Variants in GRIP1 observed in about 807,000 individuals in gnomAD.
The protein encoded by GRIP1 is glutamate receptor interacting protein 1.
GRIP1 carries 45 observed loss-of-function variants against 129.9 expected under a neutral mutation model. The ratio of observed to expected loss-of-function variants is 0.35; its 90% CI spans 0.27 to 0.44. GRIP1 has a LOEUF of 0.44. GRIP1 is among the 20% of genes least tolerant of loss of function. The probability of loss-of-function intolerance (pLI) is 1.00; values close to 1 mark genes in which losing one functional copy is unlikely to be tolerated. For synonymous variants in GRIP1, 530 were observed against 520.8 expected (o/e 1.02, Z -0.24); for missense variants, 1,196 against 1,396.8 (o/e 0.86, Z 2.29).
rs765557975 is a variant in GRIP1 at position 66,785,305 on chromosome 12, A to AACAT, written c.-420+18744_-420+18747dup. ...GAAACCCTGACTCTTCCAAGAATTT[A>AACAT]ACATACATACATACATACATACATA... On this transcript the variant is annotated intron_variant, in intron 1 of 4. Coordinates refer to the GRIP1 transcript ENST00000538373. Among the ~76,000 whole-genome samples the AACAT allele has an allele frequency of 3.6e-3, 371 of 103,886 alleles. 15 individuals carry two copies. The highest frequency in any genetic ancestry group is 0.01 in the African/African-American group (271 of 26,390). The allele number at this position is 103,886 out of a possible 152,430, so 68.2% of individuals were successfully genotyped here. A position where few individuals can be genotyped will look rare whatever the true frequency, so the allele number is the denominator to read the frequency against.
intron 1 of GRIP1, among the ~76,000 whole-genome samples, chr12:67,040,373 T>C (rs759589508): frequency 6.6e-6 from 1 of 152,196 alleles, no homozygotes; most frequent in Non-Finnish European, 1.5e-5. Flanking sequence ...TTTCTTAGTC[T>C]AACAATAACA....
intron 1 of GRIP1, among the ~76,000 whole-genome samples, chr12:66,609,245 T>C (rs951583379): frequency 1.3e-5 from 2 of 151,994 alleles, no homozygotes; most frequent in African/African-American, 2.4e-5. Context: ...ACTGCTTCAA[T>C]AGAGGGGGTT....
chr12:66,759,740 C>T lies in GRIP1; in HGVS notation c.-420+44313G>A, dbSNP rs192147617. On this transcript the variant is annotated intron_variant, in intron 1 of 4. Coordinates refer to the GRIP1 transcript ENST00000538373. Reference sequence around the variant, plus strand: ...AATCTCTAGAGCAGGGGCAAAATGCCGCTAGTCTCTTTGCTAAAACATAAC... The same window carrying T: ...AATCTCTAGAGCAGGGGCAAAATGCTGCTAGTCTCTTTGCTAAAACATAAC... 8.2e-5 allele frequency among the ~76,000 whole-genome samples: 12 copies of T among 147,186 alleles called. No homozygotes were observed. The East Asian group carries it at 1.6e-3, about 20-fold the overall frequency.
chr12:66,774,385 C>A (rs185804674), intron 1 of GRIP1, among the ~76,000 whole-genome samples: 1 of 152,216 alleles, frequency 6.6e-6, no homozygotes, highest in Non-Finnish European at 1.5e-5. Flanking sequence ...ATAAACTCAA[C>A]CCAATATGAA....
chr12:66,545,031 C>T (rs2061906007), intron 2 of GRIP1, among the ~76,000 whole-genome samples: 1 of 151,968 alleles, frequency 6.6e-6, no homozygotes, highest in South Asian at 2.1e-4. Flanking sequence ...AATATCACTC[C>T]CTCAATTAAG....
intron 1 of GRIP1, among the ~76,000 whole-genome samples, chr12:66,647,608 G>C (rs920754313): frequency 6.6e-6 from 1 of 152,118 alleles, no homozygotes; most frequent in Non-Finnish European, 1.5e-5. Flanking sequence ...GAAGTGAAAA[G>C]AAAGGAAGAG....
At chr12:66,848,817 C>T (rs2039862695) in intron 1 of GRIP1, among the ~76,000 whole-genome samples, 1 of 152,080 alleles carries the variant, frequency 6.6e-6, no homozygotes, top group Non-Finnish European at 1.5e-5. Flanking sequence ...TCTGACTCTA[C>T]CCAGTTCCTT....
intron 2 of GRIP1, among the ~76,000 whole-genome samples, chr12:66,584,451 T>C (rs77380069): frequency 0.24 from 37,191 of 151,862 alleles, 4,627 homozygotes; most frequent in Admixed American, 0.28. Context: ...CACATCTCTG[T>C]AATCCCAGCT....
chr12:66,678,410 GAACA>G (rs544407506), intron 1 of GRIP1, among the ~76,000 whole-genome samples: 107 of 152,216 alleles, frequency 7.0e-4, no homozygotes, highest in Non-Finnish European at 1.3e-3. Context: ...GAAAGTCATA[GAACA>G]AACAATTATT....
intron 1 of GRIP1, among the ~76,000 whole-genome samples, chr12:66,775,804 T>C (rs572413102): frequency 2.0e-4 from 30 of 152,316 alleles, no homozygotes; most frequent in Non-Finnish European, 3.5e-4. Context: ...TTCTGTGATA[T>C]ACTGATAGGT....
chr12:66,522,108 C>G (rs895002026), intron 5 of GRIP1, among the ~76,000 whole-genome samples: 6 of 152,240 alleles, frequency 3.9e-5, no homozygotes, highest in Admixed American at 2.6e-4. Flanking sequence ...CAGCAGTAAC[C>G]TCTGCAGACT....
chr12:66,413,967 T>C (rs774795671), intron 15 of GRIP1, among the ~76,000 whole-genome samples: 15 of 152,112 alleles, frequency 9.9e-5, no homozygotes, highest in Non-Finnish European at 1.9e-4. Context: ...GAAAGCCACA[T>C]AGGACAAACC....
chr12:67,051,779 T>C (rs2043350310), intron 1 of GRIP1, among the ~76,000 whole-genome samples: 1 of 152,244 alleles, frequency 6.6e-6, no homozygotes, highest in Admixed American at 6.5e-5. Context: ...AAAGAAGCTT[T>C]GCTGTTTTTT....
chr12:67,027,649 T>C (rs1565645683), intron 1 of GRIP1, among the ~76,000 whole-genome samples: 1 of 151,906 alleles, frequency 6.6e-6, no homozygotes, highest in Non-Finnish European at 1.5e-5. Context: ...CCTAAGGAAA[T>C]AAGGAAGGAG....
At chr12:66,398,980 C>A (rs1417719056) in intron 16 of GRIP1, among the ~76,000 whole-genome samples, 3 of 151,960 alleles carry the variant, frequency 2.0e-5, no homozygotes, top group Non-Finnish European at 4.4e-5. Flanking sequence ...AAAGCAAACT[C>A]AGTAAATGCT....
chr12:67,044,540 G>A (rs1229665599), intron 1 of GRIP1, among the ~76,000 whole-genome samples: 1 of 152,172 alleles, frequency 6.6e-6, no homozygotes, highest in Non-Finnish European at 1.5e-5. Flanking sequence ...TAAAGCTACT[G>A]TGAAAATCTA....
chr12:66,391,362 C>T (rs1034431734), intron 19 of GRIP1, among the ~76,000 whole-genome samples: 1 of 152,162 alleles, frequency 6.6e-6, no homozygotes, highest in African/African-American at 2.4e-5. Flanking sequence ...GTTGATGCTA[C>T]GGATCACTGG....
intron 1 of GRIP1, among the ~76,000 whole-genome samples, chr12:66,772,540 C>T (rs895280373): frequency 7.2e-5 from 11 of 152,128 alleles, no homozygotes; most frequent in African/African-American, 2.7e-4. Flanking sequence ...ATGTCTTTAA[C>T]AGAGGGGTGT....
intron 1 of GRIP1, among the ~76,000 whole-genome samples, chr12:66,980,329 G>A (rs984286090): frequency 4.6e-5 from 7 of 152,134 alleles, no homozygotes; most frequent in African/African-American, 1.4e-4. Context: ...ATTCATATAT[G>A]TGGCTAGGCG....
Sources: gnomAD v4.1 joint callset for allele counts (sites outside exome capture counted in the v4.1 genomes callset) on GRCh38, gnomAD v4.1.1 for gene constraint, MANE v1.5 for transcripts, NCBI Gene and HGNC (gene_info 2026-07-23, HGNC 2026-07-21) for gene names.